Variants in ADCY8 observed in about 807,000 individuals in gnomAD.
ADCY8 encodes adenylate cyclase type 8.
ADCY8 carries 51 observed loss-of-function variants against 119.7 expected under a neutral mutation model. The ratio of observed to expected loss-of-function variants is 0.43; its 90% CI spans 0.34 to 0.54. The LOEUF (loss-of-function observed/expected upper bound fraction) is 0.54. ADCY8 is among the 20% of genes least tolerant of loss of function. The pLI, the probability that ADCY8 is intolerant of heterozygous loss-of-function variation, is 0.03. For synonymous variants in ADCY8, 665 were observed against 651.0 expected, an observed-to-expected ratio of 1.02 and a Z score of -0.33; for missense variants, 1,383 against 1,598.8, an observed-to-expected ratio of 0.87 and a Z score of 2.30.
chr8:130,826,156 C>A (rs1666130013), intron 12 of ADCY8, among the ~76,000 whole-genome samples: 1 of 152,104 alleles, frequency 6.6e-6, no homozygotes, highest in Non-Finnish European at 1.5e-5. Context: ...TTCATAGTTT[C>A]CCTATCATTA....
intron 9 of ADCY8, among the ~76,000 whole-genome samples, chr8:130,855,622 G>C (rs1817705731): frequency 6.6e-6 from 1 of 151,446 alleles, no homozygotes; most frequent in Admixed American, 6.6e-5. Flanking sequence ...AGGCCCGCTG[G>C]GAAGTGTGAG....
chr8:131,018,359 T>C (rs1175160878), intron 1 of ADCY8, among the ~76,000 whole-genome samples: 1 of 152,232 alleles, frequency 6.6e-6, no homozygotes, highest in Non-Finnish European at 1.5e-5. Context: ...AAGACATGCA[T>C]TTCAATTAAT....
At chr8:130,825,891 G>T (rs866754840) in intron 12 of ADCY8, among the ~76,000 whole-genome samples, 4 of 152,276 alleles carry the variant, frequency 2.6e-5, no homozygotes, top group African/African-American at 7.2e-5. Context: ...GGCCACACAG[G>T]CGGTCATCCT....
intron 8 of ADCY8, among the ~76,000 whole-genome samples, chr8:130,880,474 A>G (rs139179583): frequency 5.4e-4 from 82 of 152,336 alleles, no homozygotes; most frequent in Middle Eastern, 3.4e-3. Context: ...AGTTTTCTAC[A>G]TATCTTTACC....
At chr8:130,848,624 C>T (rs1244546556) in intron 10 of ADCY8, among the ~76,000 whole-genome samples, 1 of 152,140 alleles carries the variant, frequency 6.6e-6, no homozygotes, top group Non-Finnish European at 1.5e-5. Context: ...TCCCTGCACA[C>T]TTGGGGACCC....
intron 8 of ADCY8, among the ~76,000 whole-genome samples, chr8:130,869,913 C>A (rs1243400447): frequency 4.0e-5 from 6 of 151,268 alleles, no homozygotes; most frequent in Non-Finnish European, 7.4e-5. Context: ...TTAATCAGTA[C>A]ACTAAAATTC....
chr8:130,806,783 C>G (rs192906639), intron 14 of ADCY8, among the ~76,000 whole-genome samples: 2 of 152,276 alleles, frequency 1.3e-5, no homozygotes, highest in Non-Finnish European at 2.9e-5. Flanking sequence ...CACCTGGGTG[C>G]CTGAGGGCCT....
intron 1 of ADCY8, among the ~76,000 whole-genome samples, chr8:131,007,716 GATTT>G (rs1365938030): frequency 6.6e-6 from 1 of 152,170 alleles, no homozygotes; most frequent in Non-Finnish European, 1.5e-5. Context: ...CTGTGATAGG[GATTT>G]ATTTTCTTTT....
chr8:130,816,417 A>ATTTT (rs369547834), intron 13 of ADCY8, among the ~76,000 whole-genome samples: 2 of 121,062 alleles, frequency 1.7e-5, no homozygotes, highest in Non-Finnish European at 3.5e-5. Context: ...TTCTTAATTA[A>ATTTT]TTTTTTTTTC....
intron 11 of ADCY8, among the ~76,000 whole-genome samples, chr8:130,846,701 C>T (rs1422036127): frequency 7.2e-6 from 1 of 139,790 alleles, no homozygotes; most frequent in Non-Finnish European, 1.5e-5. Context: ...CTTCCCCTTA[C>T]TACCTTCCGT....
chr8:130,869,683 AT>A (rs1172576136), intron 8 of ADCY8, among the ~76,000 whole-genome samples: 2 of 150,370 alleles, frequency 1.3e-5, no homozygotes, highest in Admixed American at 1.3e-4. Context: ...ACGCCTGGCT[AT>A]TTTTTTGTAT....
intron 8 of ADCY8, among the ~76,000 whole-genome samples, chr8:130,883,275 CT>C (rs1308937347): frequency 6.6e-6 from 1 of 152,176 alleles, no homozygotes; most frequent in Non-Finnish European, 1.5e-5. Flanking sequence ...TTCATCCTAG[CT>C]TCTTCAATGC....
At chr8:130,873,352 C>T (rs1180096767) in intron 8 of ADCY8, among the ~76,000 whole-genome samples, 3 of 151,724 alleles carry the variant, frequency 2.0e-5, no homozygotes, top group Non-Finnish European at 4.4e-5. Context: ...GAGTTTCACT[C>T]TTCTTGCCCA....
At chr8:130,861,013 T>C (rs1817910917) in intron 9 of ADCY8, among the ~76,000 whole-genome samples, 1 of 152,228 alleles carries the variant, frequency 6.6e-6, no homozygotes, top group Non-Finnish European at 1.5e-5. Flanking sequence ...ACAAATCAAT[T>C]GATTATATTT....
Position 130,835,634 on chromosome 8 carries a change from G to T in ADCY8, c.2675+643C>A, listed in dbSNP as rs147483973. ...TTCAGCAGTAATACGTTTGTCCCTT[G>T]GTATCAGCCCTGTGGATACCAAAAT... On this transcript the variant is annotated intron_variant, in intron 12 of 17. Transcript: ENST00000286355. Among the ~76,000 whole-genome samples the T allele has an allele frequency of 5.9e-3, 890 of 151,872 alleles. 6 individuals are homozygous for T. The highest frequency in any genetic ancestry group is 0.02 in the African/African-American group (817 of 41,426).
At chr8:130,801,899 C>CTTTTTTTTT (rs34853195) in intron 14 of ADCY8, among the ~76,000 whole-genome samples, 2 of 97,790 alleles carry the variant, frequency 2.0e-5, no homozygotes, top group Non-Finnish European at 3.9e-5. Context: ...TTGAGAATGC[C>CTTTTTTTTT]TTTTTTTTTT....
At chr8:130,893,078 G>C (rs945746007) in intron 7 of ADCY8, among the ~76,000 whole-genome samples, 1 of 152,136 alleles carries the variant, frequency 6.6e-6, no homozygotes, top group African/African-American at 2.4e-5. Flanking sequence ...ACACACTTGG[G>C]TCATTTTTAT....
chr8:130,815,894 A>C (rs190020689), intron 13 of ADCY8, among the ~76,000 whole-genome samples: 11 of 152,314 alleles, frequency 7.2e-5, no homozygotes, highest in African/African-American at 2.6e-4. Context: ...CTCAATACAC[A>C]TTGGTTCCCT....
intron 4 of ADCY8, among the ~76,000 whole-genome samples, chr8:130,941,642 T>G (rs1330668489): frequency 6.6e-6 from 1 of 152,064 alleles, no homozygotes; most frequent in Admixed American, 6.6e-5. Flanking sequence ...ATCCCTCAGT[T>G]TCCACTTCCT....
Sources: gnomAD v4.1 joint callset for allele counts (sites outside exome capture counted in the v4.1 genomes callset) on GRCh38, gnomAD v4.1.1 for gene constraint, MANE v1.5 for transcripts, NCBI Gene and HGNC (gene_info 2026-07-23, HGNC 2026-07-21) for gene names.